The following F13A1 variants were observed in gnomAD, a reference collection of about 807,000 sequenced individuals.
F13A1 encodes the protein coagulation factor XIII A chain, also known as FSF, A subunit.
In F13A1, 47 loss-of-function variants were observed where a neutral mutation model predicts 80.1. That is an observed-to-expected ratio of 0.59 (90% confidence interval 0.46 to 0.75). The LOEUF (loss-of-function observed/expected upper bound fraction) is 0.75, where lower values mean the gene tolerates loss of function less well. F13A1 is among the 30% of genes least tolerant of loss of function. The probability of loss-of-function intolerance (pLI) is 0.00; values close to 1 mark genes in which losing one functional copy is unlikely to be tolerated. For synonymous variants in F13A1, 349 were observed against 344.9 expected, an observed-to-expected ratio of 1.01 and a Z score of -0.13; for missense variants, 817 against 930.4, an observed-to-expected ratio of 0.88 and a Z score of 1.59.
chr6:6,272,872 A>T (rs990315459), intron 3 of F13A1, among the ~76,000 whole-genome samples: 3 of 152,240 alleles, frequency 2.0e-5, no homozygotes, highest in Non-Finnish European at 1.5e-5. Context: ...TCTTTAAATC[A>T]ATAGAATAAT....
At chr6:6,284,597 G>A (rs1396022398) in intron 3 of F13A1, among the ~76,000 whole-genome samples, 2 of 152,164 alleles carry the variant, frequency 1.3e-5, no homozygotes, top group East Asian at 1.9e-4. Context: ...CTTTCCTGCC[G>A]CTGCAAGCTT....
Position 6,318,520 on chromosome 6 carries a change from G to C in F13A1, c.130+15C>G, listed in dbSNP as rs200488257. On this transcript the variant is annotated intron_variant, in intron 2 of 14. Transcript: ENST00000264870. ...CCTGGACCCAGAGTGGTGGGGAAGGGGGGTATGCTCATACCTTGCAGGTTG... is the reference window on the plus strand; with the variant it reads ...CCTGGACCCAGAGTGGTGGGGAAGGCGGGTATGCTCATACCTTGCAGGTTG... 7.8e-5 allele frequency: 125 copies of C among 1,609,022 alleles called. No individual in the cohort carries two copies. In the Admixed American group the frequency reaches 8.6e-4, roughly 11 times the overall value.
At chr6:6,258,258 G>T (rs1757729019) in intron 4 of F13A1, among the ~76,000 whole-genome samples, 1 of 152,104 alleles carries the variant, frequency 6.6e-6, no homozygotes, top group Admixed American at 6.5e-5. Flanking sequence ...CACAGAACCT[G>T]CTTTCTCTCT....
chr6:6,265,671 C>A (rs1255346815), intron 4 of F13A1, among the ~76,000 whole-genome samples: 2 of 152,196 alleles, frequency 1.3e-5, no homozygotes, highest in African/African-American at 2.4e-5. Flanking sequence ...ACAGCTACAT[C>A]TTTGCACATC....
In F13A1 at chr6:6,186,448, C is replaced by G. The variant is rs9504704; in HGVS notation, c.1306-4307G>C. On this transcript the variant is annotated intron_variant, in intron 10 of 14. Coordinates refer to ENST00000264870, the MANE Select transcript of F13A1 (RefSeq NM_000129.4). ...TTTCAGCTTTCCACCTATGGCTAGC[C>G]AGTTTTCCCAGCACCATTTATTAAA... is the stretch of plus-strand genomic sequence containing the variant. Among the ~76,000 whole-genome samples the G allele has an allele frequency of 5.8e-3, 877 of 152,288 alleles. 18 individuals carry two copies. The highest frequency in any genetic ancestry group is 0.02 in the African/African-American group (841 of 41,556).
chr6:6,164,535 T>C (rs1207463346), intron 13 of F13A1, among the ~76,000 whole-genome samples: 1 of 151,790 alleles, frequency 6.6e-6, no homozygotes, highest in Non-Finnish European at 1.5e-5. Context: ...GGAGAAAAAA[T>C]AACTCTTAAT....
In F13A1 at chr6:6,285,428, A is replaced by C. The variant is rs375779694; in HGVS notation, c.320-18619T>G. Among the ~76,000 whole-genome samples the C allele has an allele frequency of 1.3e-4, 20 of 152,372 alleles. No individual in the cohort carries two copies. In the East Asian group the frequency reaches 3.5e-3, roughly 26 times the overall value. On this transcript the variant is annotated intron_variant, in intron 3 of 14. Transcript: ENST00000264870. ...AGGAAATAGACAAGGAAGTTGAAGA[A>C]GCCAAAGCAAAACCTCCAACAGTGC...
intron 13 of F13A1, among the ~76,000 whole-genome samples, chr6:6,155,489 G>A (rs576314427): frequency 1.5e-3 from 229 of 152,164 alleles, no homozygotes; most frequent in African/African-American, 5.4e-3. Flanking sequence ...CCCTTCTCTG[G>A]TTGTAGTGTG....
intron 3 of F13A1, among the ~76,000 whole-genome samples, chr6:6,278,035 A>C (rs1758012013): frequency 6.6e-6 from 1 of 152,226 alleles, no homozygotes; most frequent in South Asian, 2.1e-4. Flanking sequence ...TTTATAAGAA[A>C]TAAAGACTCC....
chr6:6,312,447 G>A (rs76128133), intron 2 of F13A1, among the ~76,000 whole-genome samples: 67,732 of 99,348 alleles, frequency 0.68, 24,501 homozygotes, highest in East Asian at 0.84. Flanking sequence ...TGAGGGGGGC[G>A]GATCACGAGG....
chr6:6,183,962 G>C (rs1336051663), intron 10 of F13A1, among the ~76,000 whole-genome samples: 1 of 152,294 alleles, frequency 6.6e-6, no homozygotes, highest in Non-Finnish European at 1.5e-5. Context: ...AAATATAATA[G>C]TCATCATTAG....
chr6:6,252,016 A>ATC (rs759778185), intron 4 of F13A1, among the ~76,000 whole-genome samples: 2 of 152,204 alleles, frequency 1.3e-5, no homozygotes, highest in African/African-American at 2.4e-5. Context: ...GAGTCTGTAG[A>ATC]TCTAACCAGC....
intron 3 of F13A1, among the ~76,000 whole-genome samples, chr6:6,278,578 T>C (rs961789247): frequency 6.9e-6 from 1 of 145,616 alleles, no homozygotes; most frequent in Admixed American, 6.8e-5. Context: ...TGTGGGAGAT[T>C]AGGTGCCTGA....
chr6:6,225,631 C>T (rs139618347), intron 6 of F13A1, among the ~76,000 whole-genome samples: 212 of 152,130 alleles, frequency 1.4e-3, no homozygotes, highest in Middle Eastern at 0.01. Context: ...CTTCAGGCTC[C>T]CGAGTAGCTA....
chr6:6,257,643 T>C (rs1757720415), intron 4 of F13A1, among the ~76,000 whole-genome samples: 1 of 152,220 alleles, frequency 6.6e-6, no homozygotes, highest in Non-Finnish European at 1.5e-5. Flanking sequence ...CTACTGCCAT[T>C]CATCCATCAA....
At chr6:6,230,190 C>G (rs377377425) in intron 6 of F13A1, among the ~76,000 whole-genome samples, 1 of 151,968 alleles carries the variant, frequency 6.6e-6, no homozygotes, top group Non-Finnish European at 1.5e-5. Flanking sequence ...GTGGGTAGAC[C>G]GGGTCAGGTT....
chr6:6,212,660 A>C (rs533219389), intron 8 of F13A1, among the ~76,000 whole-genome samples: 55 of 150,942 alleles, frequency 3.6e-4, no homozygotes, highest in African/African-American at 1.3e-3. Context: ...TCACCAGCAA[A>C]GGAACAAAGC....
chr6:6,251,327 G>C (rs916734491), intron 4 of F13A1, among the ~76,000 whole-genome samples: 2 of 152,168 alleles, frequency 1.3e-5, no homozygotes, highest in Non-Finnish European at 2.9e-5. Context: ...TAGAAAACTA[G>C]ATGAATTGAA....
intron 4 of F13A1, among the ~76,000 whole-genome samples, chr6:6,256,565 G>T (rs1161992428): frequency 6.6e-6 from 1 of 152,020 alleles, no homozygotes; most frequent in Non-Finnish European, 1.5e-5. Context: ...GAAGAATAAT[G>T]ACCTCATTTA....
Sources: allele counts gnomAD v4.1 joint callset (sites outside exome capture counted in the v4.1 genomes callset), GRCh38; gene constraint gnomAD v4.1.1; transcripts MANE v1.5; gene names NCBI Gene and HGNC (gene_info 2026-07-23, HGNC 2026-07-21).